The following ITGBL1 variants were observed in gnomAD, a reference collection of about 807,000 sequenced individuals.
ITGBL1 encodes the protein integrin subunit beta like 1.
A neutral mutation model predicts 68.5 loss-of-function variants in ITGBL1; 51 were observed. That is an observed-to-expected ratio of 0.74 (90% CI 0.59 to 0.94). ITGBL1 has a LOEUF of 0.94. ITGBL1 is among the 40% of genes least tolerant of loss of function. ITGBL1 has a pLI of 0.00. For synonymous variants in ITGBL1, 209 were observed against 227.3 expected (o/e 0.92, Z 0.72); for missense variants, 649 against 647.4 (o/e 1.00, Z -0.03).
chr13:101,646,831 A>G (rs1194648983), intron 7 of ITGBL1, among the ~76,000 whole-genome samples: 1 of 152,180 alleles, frequency 6.6e-6, no homozygotes, highest in African/African-American at 2.4e-5. Flanking sequence ...GATGTTACTG[A>G]TGTCATATGT....
At chr13:101,720,473 A>G (rs2034893208), downstream of ITGBL1, 1 of 151,998 alleles carries the variant, frequency 6.6e-6, no homozygotes, top group Admixed American at 6.6e-5. Context: ...TTGCAGGGGA[A>G]AAAGAAACCA....
intron 6 of ITGBL1, among the ~76,000 whole-genome samples, chr13:101,594,242 C>T (rs1199858782): frequency 6.6e-6 from 1 of 151,986 alleles, no homozygotes; most frequent in Admixed American, 6.6e-5. Context: ...ACACATAGAC[C>T]AGTGGAACAG....
intron 2 of ITGBL1, among the ~76,000 whole-genome samples, chr13:101,563,379 C>T (rs2050131508): frequency 1.3e-5 from 2 of 151,446 alleles, no homozygotes; most frequent in Admixed American, 1.3e-4. Flanking sequence ...TTGAAAATAA[C>T]AATAAAATTG....
chr13:101,602,939 G>T (rs1374656262), intron 7 of ITGBL1, among the ~76,000 whole-genome samples: 2 of 151,954 alleles, frequency 1.3e-5, no homozygotes, highest in African/African-American at 4.8e-5. Context: ...ATATCCTGTT[G>T]TATGGATACA....
chr13:101,687,360 G>C (rs958864604), intron 7 of ITGBL1, among the ~76,000 whole-genome samples: 1 of 151,918 alleles, frequency 6.6e-6, no homozygotes, highest in Non-Finnish European at 1.5e-5. Flanking sequence ...GGTGAAAATA[G>C]ACACTTTATC....
At chr13:101,652,281 G>A (rs1482070416) in intron 7 of ITGBL1, among the ~76,000 whole-genome samples, 2 of 151,942 alleles carry the variant, frequency 1.3e-5, no homozygotes, top group East Asian at 3.9e-4. Flanking sequence ...ATCTGGGCCT[G>A]CAGGTGCATG....
chr13:101,542,270 G>C (rs941647539), intron 2 of ITGBL1, among the ~76,000 whole-genome samples: 1 of 152,204 alleles, frequency 6.6e-6, no homozygotes, highest in South Asian at 2.1e-4. Context: ...TGTTCTCATT[G>C]GTTTCAAAGA....
intron 2 of ITGBL1, among the ~76,000 whole-genome samples, chr13:101,514,179 C>G (rs2049159787): frequency 6.6e-6 from 1 of 152,004 alleles, no homozygotes; most frequent in South Asian, 2.1e-4. Flanking sequence ...CATATTCTTG[C>G]ATTGTATGAA....
At chr13:101,685,969 A>G (rs2033745454) in intron 7 of ITGBL1, among the ~76,000 whole-genome samples, 1 of 152,106 alleles carries the variant, frequency 6.6e-6, no homozygotes, top group South Asian at 2.1e-4. Flanking sequence ...AGAATTGGCC[A>G]CTGGGTTGGG....
intron 8 of ITGBL1, among the ~76,000 whole-genome samples, chr13:101,695,611 G>A (rs908856076): frequency 6.6e-6 from 1 of 152,142 alleles, no homozygotes; most frequent in African/African-American, 2.4e-5. Flanking sequence ...TAGGAGATGA[G>A]CCCTGGTGAG....
At chr13:101,606,057 GTA>G (rs541963529) in intron 7 of ITGBL1, among the ~76,000 whole-genome samples, 94 of 137,752 alleles carry the variant, frequency 6.8e-4, no homozygotes, top group African/African-American at 2.4e-3. Context: ...GGCTATCCTT[GTA>G]TATATATGTG....
intron 2 of ITGBL1, among the ~76,000 whole-genome samples, chr13:101,548,410 C>T (rs550242894): frequency 7.2e-4 from 110 of 151,894 alleles, no homozygotes; most frequent in African/African-American, 2.6e-3. Flanking sequence ...ATCCTGTGAT[C>T]ATTTCTACAG....
At chr13:101,548,849 C>T (rs2049872583) in intron 2 of ITGBL1, among the ~76,000 whole-genome samples, 1 of 151,600 alleles carries the variant, frequency 6.6e-6, no homozygotes, top group Non-Finnish European at 1.5e-5. Flanking sequence ...TTACATTAAT[C>T]TTTATGTTTA....
intron 9 of ITGBL1, among the ~76,000 whole-genome samples, chr13:101,709,209 C>T (rs923983810): frequency 6.7e-6 from 1 of 149,358 alleles, no homozygotes; most frequent in Non-Finnish European, 1.5e-5. Flanking sequence ...ACTAAAAATA[C>T]AAAAAATTAG....
chr13:101,716,831 T>G (rs905067872), downstream of ITGBL1: 10 of 151,360 alleles, frequency 6.6e-5, no homozygotes, highest in African/African-American at 2.4e-4. Flanking sequence ...AAATAGAAAT[T>G]ACAAATATTC....
chr13:101,590,676 A>G (rs556636676), intron 6 of ITGBL1, among the ~76,000 whole-genome samples: 3 of 152,298 alleles, frequency 2.0e-5, no homozygotes, highest in South Asian at 4.1e-4. Flanking sequence ...CATGTTCTGT[A>G]CTTTGCCCAG....
intron 7 of ITGBL1, among the ~76,000 whole-genome samples, chr13:101,652,822 G>A (rs1466522303): frequency 6.6e-6 from 1 of 152,140 alleles, no homozygotes; most frequent in African/African-American, 2.4e-5. Flanking sequence ...GAGCGGCCGG[G>A]TGTGGTGGCT....
chr13:101,488,821 T>C (rs1165996211), intron 2 of ITGBL1, among the ~76,000 whole-genome samples: 1 of 152,192 alleles, frequency 6.6e-6, no homozygotes, highest in African/African-American at 2.4e-5. Flanking sequence ...CATGCCAATA[T>C]TAGGTTCCCA....
At chr13:101,567,957 T>C in intron 3 of ITGBL1, 112 bp downstream of exon 3, 2 of 811,302 alleles carry the variant, frequency 2.5e-6, no homozygotes, top group Non-Finnish European at 3.8e-6. Context: ...TGCTTTTGAG[T>C]ATGTTTTTTA....
Sources: allele counts gnomAD v4.1 joint callset (sites outside exome capture counted in the v4.1 genomes callset), GRCh38; gene constraint gnomAD v4.1.1; transcripts MANE v1.5; gene names NCBI Gene and HGNC (gene_info 2026-07-23, HGNC 2026-07-21).